The following ANKRD44 variants were observed in gnomAD, a reference collection of about 807,000 sequenced individuals.
ANKRD44 encodes the protein serine/threonine-protein phosphatase 6 regulatory ankyrin repeat subunit B.
In ANKRD44, 35 loss-of-function variants were observed where a neutral mutation model predicts 116.0. That is an observed-to-expected ratio of 0.30 (90% confidence interval 0.23 to 0.40). ANKRD44 has a LOEUF of 0.40. Ranked by LOEUF, ANKRD44 falls within the 10% of genes least tolerant of loss-of-function variation. ANKRD44 has a pLI of 1.00. For missense variants in ANKRD44, 1,014 were observed against 1,242.6 expected, an observed-to-expected ratio of 0.82 and a Z score of 2.77; for synonymous variants, 435 against 461.8, an observed-to-expected ratio of 0.94 and a Z score of 0.74.
intron 21 of ANKRD44, among the ~76,000 whole-genome samples, chr2:196,980,676 A>C (rs1192554018): frequency 6.6e-6 from 1 of 152,180 alleles, no homozygotes; most frequent in Non-Finnish European, 1.5e-5. Context: ...GCCATCTGTC[A>C]TGTTTTCTGG....
intron 17 of ANKRD44, chr2:197,015,587 G>A (rs189395447): frequency 1.9e-6 from 1 of 532,006 alleles, no homozygotes; most frequent in African/African-American, 1.9e-5. Flanking sequence ...GATGGAGGAA[G>A]TAATTTTGGC....
At chr2:197,294,329 T>C (rs994176865) in intron 1 of ANKRD44, among the ~76,000 whole-genome samples, 2 of 152,152 alleles carry the variant, frequency 1.3e-5, no homozygotes, top group African/African-American at 2.4e-5. Context: ...AGAAGTTAGT[T>C]TCACTTCTGA....
chr2:197,288,574 G>A (rs1203541662), intron 1 of ANKRD44, among the ~76,000 whole-genome samples: 3 of 151,976 alleles, frequency 2.0e-5, no homozygotes, highest in Non-Finnish European at 4.4e-5. Flanking sequence ...GCAAAGTTAT[G>A]GAATCTAAGT....
intron 2 of ANKRD44, among the ~76,000 whole-genome samples, chr2:197,178,364 G>C (rs2080419429): frequency 6.6e-6 from 1 of 151,988 alleles, no homozygotes; most frequent in Admixed American, 6.6e-5. Flanking sequence ...CCAGCTACTT[G>C]GGAAGCTGAG....
intron 9 of ANKRD44, among the ~76,000 whole-genome samples, chr2:197,110,502 A>G (rs753317192): frequency 6.6e-6 from 1 of 152,192 alleles, no homozygotes; most frequent in Non-Finnish European, 1.5e-5. Flanking sequence ...CTACATAAAT[A>G]CATCATTTCC....
intron 16 of ANKRD44, among the ~76,000 whole-genome samples, chr2:197,047,012 G>A (rs2077013843): frequency 7.3e-6 from 1 of 136,740 alleles, no homozygotes; most frequent in East Asian, 2.3e-4. Context: ...GGTAAATAAG[G>A]TAACAGAATT....
At chr2:197,240,105 T>G (rs1186608986) in intron 1 of ANKRD44, among the ~76,000 whole-genome samples, 1 of 152,108 alleles carries the variant, frequency 6.6e-6, no homozygotes, top group Non-Finnish European at 1.5e-5. Context: ...CCAGGCATGA[T>G]GGCTCACGCC....
intron 1 of ANKRD44, among the ~76,000 whole-genome samples, chr2:197,236,024 C>T (rs1475990792): frequency 6.6e-6 from 1 of 152,142 alleles, no homozygotes; most frequent in African/African-American, 2.4e-5. Context: ...CTAAGCATAA[C>T]TGCACACTTG....
intron 2 of ANKRD44, among the ~76,000 whole-genome samples, chr2:197,171,996 CTTCTTTTTTT>C (rs2080247579): frequency 3.4e-5 from 1 of 29,318 alleles, no homozygotes; most frequent in Non-Finnish European, 1.4e-4. Context: ...CGTTATTTTT[CTTCTTTTTTT>C]TTTTTTTTTT....
At chr2:197,023,198 C>T (rs982177849) in intron 17 of ANKRD44, among the ~76,000 whole-genome samples, 2 of 152,202 alleles carry the variant, frequency 1.3e-5, no homozygotes, top group Non-Finnish European at 2.9e-5. Context: ...CATGCCATCT[C>T]CACAATGGCC....
chr2:197,015,385 G>A (rs962008926), intron 17 of ANKRD44: 4 of 585,832 alleles, frequency 6.8e-6, no homozygotes, highest in African/African-American at 5.7e-5. Context: ...AAAAAAGAGA[G>A]GATTTGCTTT....
chr2:197,091,688 A>G (rs1409337729), intron 10 of ANKRD44, among the ~76,000 whole-genome samples: 1 of 152,206 alleles, frequency 6.6e-6, no homozygotes, highest in East Asian at 1.9e-4. Context: ...TGATAAACAA[A>G]TATTATTGTG....
intron 4 of ANKRD44, among the ~76,000 whole-genome samples, chr2:197,130,411 G>T (rs1274679537): frequency 6.6e-6 from 1 of 152,218 alleles, no homozygotes; most frequent in Non-Finnish European, 1.5e-5. Context: ...AGACACTAAA[G>T]TATGACCAGT....
At chr2:197,003,583 C>T (rs781553418) in intron 21 of ANKRD44, among the ~76,000 whole-genome samples, 4 of 152,148 alleles carry the variant, frequency 2.6e-5, no homozygotes, top group African/African-American at 4.8e-5. Flanking sequence ...AAACTCAGTC[C>T]TGGACAAAGG....
chr2:197,065,589 T>C (rs4622751), intron 16 of ANKRD44, among the ~76,000 whole-genome samples: 94,215 of 151,860 alleles, frequency 0.62, 31,975 homozygotes, highest in East Asian at 0.85. Context: ...AAGAATCAAA[T>C]AGATGAAATA....
intron 1 of ANKRD44, among the ~76,000 whole-genome samples, chr2:197,308,088 T>C (rs2084127298): frequency 6.6e-6 from 1 of 151,588 alleles, no homozygotes; most frequent in Non-Finnish European, 1.5e-5. Flanking sequence ...GGGAGGATGT[T>C]TGAGCCTGGC....
chr2:197,057,627 A>G (rs1343477893), intron 16 of ANKRD44, among the ~76,000 whole-genome samples: 1 of 152,212 alleles, frequency 6.6e-6, no homozygotes, highest in East Asian at 1.9e-4. Context: ...TAATCTCAGC[A>G]CTTTGGGAAG....
chr2:197,227,836 T>C (rs2081756832), intron 1 of ANKRD44, among the ~76,000 whole-genome samples: 1 of 152,196 alleles, frequency 6.6e-6, no homozygotes, highest in South Asian at 2.1e-4. Flanking sequence ...CCCCATGGGC[T>C]GGGTTATGAA....
At position 196,989,266 on chromosome 2, in the gene ANKRD44, T is replaced by C. The variant is rs1204448829; in HGVS notation, c.*325A>G. ...TTACAGCAAAAGTATATGGACATTT[T>C]CTCTAGTTTGGCAAAAAAAAAAAAA... On this transcript the variant is annotated 3_prime_UTR_variant, in exon 28 of 28. Transcript: ENST00000282272. 68 of 988,536 alleles carry C rather than the reference T, an allele frequency of 6.9e-5. No homozygotes were observed. The highest frequency in any genetic ancestry group is 7.9e-5 in the Non-Finnish European group (66 of 833,160). 61.2% of individuals were successfully genotyped at this position (988,536 alleles called of 1,614,324 possible).
Sources: gnomAD v4.1 joint callset for allele counts (sites outside exome capture counted in the v4.1 genomes callset) on GRCh38, gnomAD v4.1.1 for gene constraint, MANE v1.5 for transcripts, NCBI Gene and HGNC (gene_info 2026-07-23, HGNC 2026-07-21) for gene names.